The following SLC25A21 variants were observed in gnomAD, a reference collection of about 807,000 sequenced individuals.
The protein encoded by SLC25A21 is mitochondrial 2-oxodicarboxylate carrier.
In SLC25A21, 47 loss-of-function variants were observed where a neutral mutation model predicts 43.8. The observed-to-expected ratio is 1.07, with a 90% CI of 0.85 to 1.37. The LOEUF (loss-of-function observed/expected upper bound fraction) is 1.37, where lower values mean the gene tolerates loss of function less well. SLC25A21 is among the 40% of genes most tolerant of loss of function. SLC25A21 has a pLI of 0.00. For missense variants in SLC25A21, 352 were observed against 350.2 expected (o/e 1.00, Z -0.04); for synonymous variants, 131 against 121.3 (o/e 1.08, Z -0.52).
intron 1 of SLC25A21, among the ~76,000 whole-genome samples, chr14:37,119,901 G>A (rs1043787171): frequency 6.6e-6 from 1 of 152,070 alleles, no homozygotes; most frequent in Admixed American, 6.6e-5. Flanking sequence ...CCTACCTAAA[G>A]ATAAAGGTGA....
rs77893201 is a variant in SLC25A21 at position 36,983,792 on chromosome 14, C to T, written c.71-108788G>A. Reference sequence around the variant, plus strand: ...ACGTGTGGTATATATATATACACAACGGAATACTAGGCAGCCCTAAATAAG... The same window carrying T: ...ACGTGTGGTATATATATATACACAATGGAATACTAGGCAGCCCTAAATAAG... On this transcript the variant is annotated intron_variant, in intron 1 of 9. Transcript: ENST00000331299. 7.5e-3 allele frequency among the ~76,000 whole-genome samples: 1,136 copies of T among 152,076 alleles called. 14 individuals are homozygous for T. The highest frequency in any genetic ancestry group is 0.026 in the African/African-American group (1,092 of 41,482).
At chr14:37,098,805 ATT>A (rs71124791) in intron 1 of SLC25A21, among the ~76,000 whole-genome samples, 423 of 129,306 alleles carry the variant, frequency 3.3e-3, no homozygotes, top group African/African-American at 0.016. Context: ...AGATAGATAG[ATT>A]TTTTTTTTTT....
chr14:36,922,484 T>C (rs1274642293), intron 1 of SLC25A21, among the ~76,000 whole-genome samples: 2 of 150,854 alleles, frequency 1.3e-5, no homozygotes, highest in Non-Finnish European at 2.9e-5. Context: ...GACAGAATAA[T>C]AGAGAGGAGA....
intron 1 of SLC25A21, among the ~76,000 whole-genome samples, chr14:36,984,426 T>C (rs17178080): frequency 0.18 from 27,248 of 152,124 alleles, 2,661 homozygotes; most frequent in Middle Eastern, 0.22. Flanking sequence ...GTAAACTCAA[T>C]GTGTACACAG....
chr14:37,096,367 G>A (rs537865789), intron 1 of SLC25A21, among the ~76,000 whole-genome samples: 22 of 152,128 alleles, frequency 1.4e-4, no homozygotes, highest in East Asian at 7.7e-4. Context: ...AATCTGCTTC[G>A]TATTCTTTTA....
intron 1 of SLC25A21, among the ~76,000 whole-genome samples, chr14:37,141,778 T>G (rs1963575089): frequency 6.6e-6 from 1 of 152,248 alleles, no homozygotes; most frequent in Admixed American, 6.5e-5. Flanking sequence ...TAGATTGCAC[T>G]GACTTTATTT....
rs112429500 is a variant in SLC25A21 at position 36,716,096 on chromosome 14, T to TAATA, written c.439-4618_439-4615dup. Among the ~76,000 whole-genome samples the TAATA allele has an allele frequency of 6.6e-3, 1,001 of 151,454 alleles. 8 individuals carry two copies. The highest frequency in any genetic ancestry group is 0.02 in the African/African-American group (819 of 41,240). The stretch of plus-strand genomic sequence containing the variant: ...ACAGAGTGAGACTCTGTCTCAAAAA[T>TAATA]AATAAATAAATAAATAAATAAATAA... On this transcript the variant is annotated intron_variant, in intron 6 of 9. Coordinates refer to ENST00000331299, the MANE Select transcript of SLC25A21 (RefSeq NM_030631.4).
At position 37,172,300 on chromosome 14, in the gene SLC25A21, G is replaced by T; in HGVS notation, c.51C>A (p.Ile17=). 6.2e-7 allele frequency: 1 copy of T among 1,600,268 alleles called. No homozygotes were observed. Among genetic ancestry groups the T allele is most frequent in the Non-Finnish European group, 8.5e-7 (1 of 1,173,756 alleles). The change falls in exon 1 of 10, where the codon ATC becomes ATA. Residue 17 remains isoleucine (I), a synonymous_variant. Transcript: ENST00000331299. ...VSLVREASRQ[I]VAGGSAGLVE... ...CCTTACCTGCAGAACCACCGGCCAC[G>T]ATCTGCCGAGAAGCCTCGCGCACTA...
intron 3 of SLC25A21, among the ~76,000 whole-genome samples, chr14:36,756,377 G>A (rs915577754): frequency 1.3e-5 from 2 of 152,210 alleles, no homozygotes; most frequent in African/African-American, 4.8e-5. Context: ...AATCAAAGAT[G>A]CATAATTGAA....
intron 2 of SLC25A21, among the ~76,000 whole-genome samples, chr14:36,825,014 T>C (rs547793887): frequency 6.6e-6 from 1 of 152,274 alleles, no homozygotes; most frequent in East Asian, 1.9e-4. Context: ...AGGTTTCAGA[T>C]GCAGGTCTGT....
intron 1 of SLC25A21, among the ~76,000 whole-genome samples, chr14:37,100,427 T>G (rs1198345774): frequency 6.6e-6 from 1 of 152,176 alleles, no homozygotes; most frequent in East Asian, 1.9e-4. Context: ...TTAACACACT[T>G]CAATATAATC....
chr14:36,912,833 C>A (rs1212718417), intron 1 of SLC25A21, among the ~76,000 whole-genome samples: 1 of 152,166 alleles, frequency 6.6e-6, no homozygotes, highest in Non-Finnish European at 1.5e-5. Flanking sequence ...GGATCACATT[C>A]AATTCTTATT....
intron 2 of SLC25A21, among the ~76,000 whole-genome samples, chr14:36,836,073 C>T (rs939226543): frequency 3.3e-5 from 5 of 152,180 alleles, no homozygotes; most frequent in Non-Finnish European, 5.9e-5. Context: ...CTGACTCCAC[C>T]GTACAGTGTG....
rs568385445 is a variant in SLC25A21, at chr14:36,967,536, C to T, written c.71-92532G>A. On this transcript the variant is annotated intron_variant, in intron 1 of 9. Transcript: ENST00000331299. ...GAAAAACTTTTCCCCACACCCAAAA[C>T]GCGGGCTTGCTAAGCAGATGATGCT... is the stretch of plus-strand genomic sequence containing the variant. Among the ~76,000 whole-genome samples, 17 of 152,312 alleles carry T rather than the reference C, an allele frequency of 1.1e-4. No individual in the cohort carries two copies. In the East Asian group the frequency reaches 1.3e-3, roughly 12 times the overall value.
chr14:36,858,335 A>T (rs1268089904), intron 2 of SLC25A21, among the ~76,000 whole-genome samples: 1 of 152,176 alleles, frequency 6.6e-6, no homozygotes, highest in Non-Finnish European at 1.5e-5. Context: ...GTTGAGAGAA[A>T]GAGATAAATA....
intron 3 of SLC25A21, among the ~76,000 whole-genome samples, chr14:36,797,293 T>C (rs1285440314): frequency 6.6e-6 from 1 of 152,102 alleles, no homozygotes; most frequent in Non-Finnish European, 1.5e-5. Context: ...TTAAGACCTT[T>C]CAAACATGAC....
chr14:36,789,283 T>C (rs1325714239), intron 3 of SLC25A21, among the ~76,000 whole-genome samples: 2 of 152,088 alleles, frequency 1.3e-5, no homozygotes, highest in African/African-American at 2.4e-5. Flanking sequence ...AGTTCTGCTA[T>C]GGAGGCTCTG....
intron 3 of SLC25A21, among the ~76,000 whole-genome samples, chr14:36,800,739 T>C (rs188154349): frequency 1.3e-5 from 2 of 152,292 alleles, no homozygotes; most frequent in East Asian, 3.9e-4. Context: ...AAATTTTATG[T>C]TATGTATATT....
chr14:37,007,761 T>C (rs1960639152), intron 1 of SLC25A21, among the ~76,000 whole-genome samples: 1 of 152,134 alleles, frequency 6.6e-6, no homozygotes, highest in East Asian at 1.9e-4. Context: ...AGTTTATTCA[T>C]TTTTTCAGTG....
Sources: gnomAD v4.1 joint callset for allele counts (sites outside exome capture counted in the v4.1 genomes callset) on GRCh38, gnomAD v4.1.1 for gene constraint, MANE v1.5 for transcripts, NCBI Gene and HGNC (gene_info 2026-07-23, HGNC 2026-07-21) for gene names.